The following PPARGC1A variants were observed in gnomAD, a reference collection of about 807,000 sequenced individuals.
The protein encoded by PPARGC1A is PPARG coactivator 1 alpha.
A neutral mutation model predicts 88.7 loss-of-function variants in PPARGC1A; 25 were observed. The observed-to-expected ratio is 0.28, with a 90% CI of 0.21 to 0.39. The LOEUF (loss-of-function observed/expected upper bound fraction) is 0.39. Among genes scored for constraint, PPARGC1A ranks in the 10% least tolerant of loss-of-function variants. The pLI, the probability that PPARGC1A is intolerant of heterozygous loss-of-function variation, is 1.00. For missense variants in PPARGC1A, 880 were observed against 968.7 expected (o/e 0.91, Z 1.22); for synonymous variants, 363 against 355.6 (o/e 1.02, Z -0.24).
At chr4:24,379,055 T>C in the PPARGC1A span, among the ~76,000 whole-genome samples, 1 of 152,178 alleles carries the variant, frequency 6.6e-6, no homozygotes, top group Non-Finnish European at 1.5e-5. Context: ...TTCTATTTCA[T>C]GAAATCTGTT....
At chr4:24,397,548 A>C in the PPARGC1A span, among the ~76,000 whole-genome samples, 1 of 152,182 alleles carries the variant, frequency 6.6e-6, no homozygotes, top group Non-Finnish European at 1.5e-5. Flanking sequence ...GCAAATTCCA[A>C]GTGATATCCT....
At chr4:24,140,084 T>A in the PPARGC1A span, among the ~76,000 whole-genome samples, 3 of 152,168 alleles carry the variant, frequency 2.0e-5, no homozygotes, top group Non-Finnish European at 4.4e-5. Context: ...GAGAGAGGGT[T>A]GCTCGGTCGA....
At chr4:24,015,077 G>T in the PPARGC1A span, among the ~76,000 whole-genome samples, 4 of 152,212 alleles carry the variant, frequency 2.6e-5, no homozygotes, top group South Asian at 4.1e-4. Flanking sequence ...AGGCAGGCAG[G>T]AATCCATTCT....
the PPARGC1A span, among the ~76,000 whole-genome samples, chr4:24,194,703 A>G: frequency 1.6e-3 from 238 of 151,764 alleles, no homozygotes; most frequent in Non-Finnish European, 2.8e-3. Context: ...TGCCTCTTCA[A>G]ATGTTGGCTC....
chr4:24,047,923 T>G, the PPARGC1A span, among the ~76,000 whole-genome samples: 1 of 152,208 alleles, frequency 6.6e-6, no homozygotes, highest in Non-Finnish European at 1.5e-5. Context: ...TCTTTCTAAC[T>G]CTTTACACTT....
At chr4:24,433,892 G>A in the PPARGC1A span, among the ~76,000 whole-genome samples, 1 of 152,116 alleles carries the variant, frequency 6.6e-6, no homozygotes, top group Non-Finnish European at 1.5e-5. Flanking sequence ...TGTTCTCCTG[G>A]TTCTTATAAA....
chr4:23,858,109 C>T (rs1415060944), intron 2 of PPARGC1A, among the ~76,000 whole-genome samples: 1 of 151,980 alleles, frequency 6.6e-6, no homozygotes, highest in Non-Finnish European at 1.5e-5. Context: ...CATTTGCTAT[C>T]TTTATAGATT....
the PPARGC1A span, among the ~76,000 whole-genome samples, chr4:24,341,142 T>A: frequency 1.3e-5 from 2 of 151,978 alleles, no homozygotes; most frequent in South Asian, 4.2e-4. Context: ...AAAAGAAAAC[T>A]ATTTGGAAGC....
the PPARGC1A span, among the ~76,000 whole-genome samples, chr4:23,970,581 A>G: frequency 6.6e-6 from 1 of 152,250 alleles, no homozygotes; most frequent in Non-Finnish European, 1.5e-5. Flanking sequence ...ATAAAGGTTT[A>G]GCACAATTAA....
the PPARGC1A span, among the ~76,000 whole-genome samples, chr4:24,068,130 A>G: frequency 6.6e-6 from 1 of 152,116 alleles, no homozygotes; most frequent in Non-Finnish European, 1.5e-5. Flanking sequence ...CTTTTGTCTC[A>G]CCCTCCAGGA....
At chr4:24,278,050 T>C in the PPARGC1A span, among the ~76,000 whole-genome samples, 2 of 152,186 alleles carry the variant, frequency 1.3e-5, no homozygotes, top group Middle Eastern at 3.4e-3. Context: ...TGGCTCATGC[T>C]TGTAGTCCCA....
chr4:24,150,648 A>G, the PPARGC1A span, among the ~76,000 whole-genome samples: 3 of 152,158 alleles, frequency 2.0e-5, no homozygotes, highest in Non-Finnish European at 2.9e-5. Flanking sequence ...CACAGGAGAC[A>G]CACAATAGTA....
the PPARGC1A span, among the ~76,000 whole-genome samples, chr4:24,389,622 C>T: frequency 6.6e-6 from 1 of 152,122 alleles, no homozygotes; most frequent in African/African-American, 2.4e-5. Context: ...CAAGGATACA[C>T]GAAGAATCAG....
At chr4:24,059,821 C>A in the PPARGC1A span, among the ~76,000 whole-genome samples, 337 of 152,290 alleles carry the variant, frequency 2.2e-3, 1 homozygote, top group African/African-American at 7.8e-3. Context: ...CTCTTCTCTC[C>A]ATGTTATTCC....
chr4:23,883,004 A>G (rs1246390266), intron 2 of PPARGC1A: 1 of 152,184 alleles, frequency 6.6e-6, no homozygotes, highest in Non-Finnish European at 1.5e-5. Flanking sequence ...TGATTTTTAG[A>G]TAAGAGGTCT....
the PPARGC1A span, among the ~76,000 whole-genome samples, chr4:24,086,298 G>C: frequency 3.3e-5 from 5 of 152,202 alleles, no homozygotes; most frequent in East Asian, 9.7e-4. Context: ...GCTCTGCAAG[G>C]TTTTTCTCCT....
the PPARGC1A span, among the ~76,000 whole-genome samples, chr4:24,357,937 T>C: frequency 1.3e-5 from 2 of 152,362 alleles, no homozygotes; most frequent in African/African-American, 2.4e-5. Flanking sequence ...GATATGTCTT[T>C]GTCAGCAGCG....
chr4:23,859,999 T>C (rs1055481879), intron 2 of PPARGC1A, among the ~76,000 whole-genome samples: 3 of 152,044 alleles, frequency 2.0e-5, no homozygotes, highest in Admixed American at 2.0e-4. Flanking sequence ...AGGTGGGGCA[T>C]AGTAGCTCAA....
the PPARGC1A span, among the ~76,000 whole-genome samples, chr4:24,389,909 A>G: frequency 6.6e-6 from 1 of 152,278 alleles, no homozygotes; most frequent in East Asian, 1.9e-4. Context: ...AAAAGGTCTA[A>G]ATAGCATCAG....
Sources: allele counts gnomAD v4.1 joint callset (sites outside exome capture counted in the v4.1 genomes callset), GRCh38; gene constraint gnomAD v4.1.1; transcripts MANE v1.5; gene names NCBI Gene and HGNC (gene_info 2026-07-23, HGNC 2026-07-21).